The following SRD5A2 variants were observed in gnomAD, a reference collection of about 807,000 sequenced individuals.
The protein encoded by SRD5A2 is 3-oxo-5-alpha-steroid 4-dehydrogenase 2.
SRD5A2 carries 30 observed loss-of-function variants against 27.4 expected under a neutral mutation model. That is an observed-to-expected ratio of 1.10 (90% CI 0.82 to 1.49). SRD5A2 has a LOEUF of 1.49. Among genes scored for constraint, SRD5A2 ranks in the 40% most tolerant of loss-of-function variants. The pLI is 0.00. For missense variants in SRD5A2, 348 were observed against 323.4 expected (o/e 1.08, Z -0.58); for synonymous variants, 141 against 133.6 (o/e 1.06, Z -0.38).
At chr2:31,574,898 C>A (rs1666925264) in intron 1 of SRD5A2, among the ~76,000 whole-genome samples, 1 of 152,212 alleles carries the variant, frequency 6.6e-6, no homozygotes, top group African/African-American at 2.4e-5. Flanking sequence ...TGGAATACAA[C>A]CACATTCATC....
the SRD5A2 span, among the ~76,000 whole-genome samples, chr2:31,641,976 G>C: frequency 6.6e-6 from 1 of 151,910 alleles, no homozygotes; most frequent in Admixed American, 6.6e-5. Flanking sequence ...AAGTTGAAGG[G>C]CTTACACAAG....
chr2:31,602,023 C>T, the SRD5A2 span, among the ~76,000 whole-genome samples: 1 of 152,098 alleles, frequency 6.6e-6, no homozygotes, highest in Non-Finnish European at 1.5e-5. Flanking sequence ...TCTCTCACCA[C>T]TCCTATTCAA....
At chr2:31,656,166 G>A in the SRD5A2 span, among the ~76,000 whole-genome samples, 2 of 152,152 alleles carry the variant, frequency 1.3e-5, no homozygotes, top group African/African-American at 4.8e-5. Context: ...GTTATTTTTG[G>A]AGATCGTGAA....
At chr2:31,594,799 T>C in the SRD5A2 span, among the ~76,000 whole-genome samples, 1 of 152,172 alleles carries the variant, frequency 6.6e-6, no homozygotes, top group Admixed American at 6.5e-5. Context: ...ATAGATCATA[T>C]GAGAGGCCAC....
chr2:31,635,819 T>C, the SRD5A2 span, among the ~76,000 whole-genome samples: 2 of 152,070 alleles, frequency 1.3e-5, no homozygotes, highest in Non-Finnish European at 2.9e-5. Context: ...TCTTTTCCCA[T>C]TGTATGTTCT....
the SRD5A2 span, among the ~76,000 whole-genome samples, chr2:31,631,367 T>A: frequency 6.6e-6 from 1 of 152,050 alleles, no homozygotes; most frequent in Non-Finnish European, 1.5e-5. Flanking sequence ...TCCATGGGTG[T>A]TTACGCACCC....
chr2:31,620,412 A>T, the SRD5A2 span, among the ~76,000 whole-genome samples: 1 of 152,142 alleles, frequency 6.6e-6, no homozygotes, highest in African/African-American at 2.4e-5. Context: ...TTTGCAGATG[A>T]CATTATTCTA....
the SRD5A2 span, among the ~76,000 whole-genome samples, chr2:31,648,681 C>T: frequency 6.6e-6 from 1 of 152,174 alleles, no homozygotes; most frequent in Non-Finnish European, 1.5e-5. Context: ...AAGAAAGCAA[C>T]CAAACTGCTG....
intron 1 of SRD5A2, among the ~76,000 whole-genome samples, chr2:31,575,526 T>A (rs1666940378): frequency 6.6e-6 from 1 of 152,200 alleles, no homozygotes; most frequent in Non-Finnish European, 1.5e-5. Flanking sequence ...AGACAAGGCT[T>A]CTTGGAGGAA....
At chr2:31,640,120 T>C in the SRD5A2 span, among the ~76,000 whole-genome samples, 1 of 152,082 alleles carries the variant, frequency 6.6e-6, no homozygotes, top group Non-Finnish European at 1.5e-5. Flanking sequence ...GCTTAGTTCA[T>C]TTTGCTATTT....
chr2:31,617,765 T>C, the SRD5A2 span, among the ~76,000 whole-genome samples: 2 of 152,240 alleles, frequency 1.3e-5, no homozygotes, highest in Admixed American at 6.5e-5. Flanking sequence ...GAGACCACCT[T>C]GGCCTGGGCC....
chr2:31,625,168 G>C, the SRD5A2 span, among the ~76,000 whole-genome samples: 214 of 152,286 alleles, frequency 1.4e-3, no homozygotes, highest in African/African-American at 5.0e-3. Flanking sequence ...CTTTTGAGAA[G>C]TGTCTGTTCA....
the SRD5A2 span, among the ~76,000 whole-genome samples, chr2:31,610,086 A>G: frequency 1.3e-5 from 2 of 152,172 alleles, no homozygotes; most frequent in African/African-American, 4.8e-5. Context: ...AATTTCTGCT[A>G]AACATTTCAA....
chr2:31,555,297 A>G (rs1227491210), intron 1 of SRD5A2, among the ~76,000 whole-genome samples: 1 of 152,082 alleles, frequency 6.6e-6, no homozygotes, highest in Admixed American at 6.6e-5. Context: ...GATGGTACCT[A>G]CACTGGTTCT....
chr2:31,587,262 T>C, the SRD5A2 span, among the ~76,000 whole-genome samples: 1 of 152,192 alleles, frequency 6.6e-6, no homozygotes, highest in African/African-American at 2.4e-5. Flanking sequence ...CAACAGATGC[T>C]GGCAAAGCTG....
At chr2:31,555,718 T>C (rs145283996) in intron 1 of SRD5A2, among the ~76,000 whole-genome samples, 6 of 152,344 alleles carry the variant, frequency 3.9e-5, no homozygotes, top group African/African-American at 1.2e-4. Flanking sequence ...CCTATTCAGA[T>C]TGATTTTTCT....
At chr2:31,562,874 G>C (rs1378303698) in intron 1 of SRD5A2, among the ~76,000 whole-genome samples, 2 of 152,030 alleles carry the variant, frequency 1.3e-5, no homozygotes, top group East Asian at 3.9e-4. Context: ...CCTGATCAAA[G>C]GCAACATTCA....
the SRD5A2 span, among the ~76,000 whole-genome samples, chr2:31,635,694 T>C: frequency 6.6e-6 from 1 of 152,172 alleles, no homozygotes; most frequent in East Asian, 1.9e-4. Context: ...GTTTCAGATC[T>C]TATATTTAAG....
intron 1 of SRD5A2, among the ~76,000 whole-genome samples, chr2:31,561,395 G>T: frequency 6.6e-6 from 1 of 152,138 alleles, no homozygotes; most frequent in Non-Finnish European, 1.5e-5. Context: ...ATCTTACTCT[G>T]CCATGCTGGA....
Sources: gnomAD v4.1 joint callset for allele counts (sites outside exome capture counted in the v4.1 genomes callset) on GRCh38, gnomAD v4.1.1 for gene constraint, MANE v1.5 for transcripts, NCBI Gene and HGNC (gene_info 2026-07-23, HGNC 2026-07-21) for gene names.